TMPRSS2: variants seen among roughly 807,000 people sequenced by gnomAD.
TMPRSS2 encodes transmembrane serine protease 2.
A neutral mutation model predicts 67.4 loss-of-function variants in TMPRSS2; 59 were observed. The ratio of observed to expected loss-of-function variants is 0.88; its 90% CI spans 0.71 to 1.09. The LOEUF (loss-of-function observed/expected upper bound fraction) is 1.09. Ranked by LOEUF, TMPRSS2 falls within the 50% of genes least tolerant of loss-of-function variation. The pLI, the probability that TMPRSS2 is intolerant of heterozygous loss-of-function variation, is 0.00. For missense variants in TMPRSS2, 668 were observed against 642.7 expected (o/e 1.04, Z -0.43); for synonymous variants, 257 against 257.0 (o/e 1.00, Z 0.00).
intron 1 of TMPRSS2, chr21:41,507,803 C>T: frequency 1.1e-6 from 1 of 925,914 alleles, no homozygotes; most frequent in South Asian, 2.1e-5. Flanking sequence ...GCAGGACCAC[C>T]TGCCCCAACC....
chr21:41,488,168 A>G (rs1451954420), intron 5 of TMPRSS2: 1 of 443,842 alleles, frequency 2.3e-6, no homozygotes, highest in Non-Finnish European at 4.1e-6. Context: ...TGTGGTTCCA[A>G]TGACACAGTC....
At chr21:41,469,529 C>T (rs1442381996) in intron 11 of TMPRSS2, among the ~76,000 whole-genome samples, 1 of 152,162 alleles carries the variant, frequency 6.6e-6, no homozygotes, top group Non-Finnish European at 1.5e-5. Context: ...ACCTCCTTGG[C>T]CCCTTGACCA....
chr21:41,508,083 G>C lies in TMPRSS2; in HGVS notation c.-59C>G. 1 of 1,266,644 alleles carries C rather than the reference G, an allele frequency of 7.9e-7. No individual in the cohort carries two copies. The highest frequency in any genetic ancestry group is 3.2e-5 in the East Asian group (1 of 31,482). 78.5% of individuals were successfully genotyped at this position (1,266,644 alleles called of 1,614,324 possible). On this transcript the variant is annotated splice_region_variant and 5_prime_UTR_variant, in exon 1 of 14. Transcript: ENST00000332149. ...ACCCTGGTACCGGCGCCGCTCACCT[G>C]CCGCGCTCCAGGCGGCGCTCCCCGC...
intron 13 of TMPRSS2, among the ~76,000 whole-genome samples, chr21:41,467,158 G>A (rs901753924): frequency 1.8e-4 from 28 of 152,310 alleles, no homozygotes; most frequent in Middle Eastern, 3.4e-3. Context: ...GGAGGCTGAG[G>A]TGGGTGAATC....
Position 41,488,494 on chromosome 21 carries a change from G to C in TMPRSS2, c.345C>G (p.Asn115Lys). 6.2e-7 allele frequency: 1 copy of C among 1,613,360 alleles called. No homozygotes were observed. Among genetic ancestry groups the C allele is most frequent in the Non-Finnish European group, 8.5e-7 (1 of 1,179,484 alleles). The change falls in exon 5 of 14, where the codon AAC becomes AAG. Residue 115 changes from asparagine to lysine, a missense_variant. Coordinates refer to ENST00000332149, the MANE Select transcript of TMPRSS2 (RefSeq NM_005656.4). ...LWKFMGSKCS[N>K]SGIECDSSGT... ...CTGAGGAGTCGCACTCTATCCCAGA[G>C]TTGGAGCACTTGCTGCCCACTTGCA...
At position 41,508,061 on chromosome 21, in the gene TMPRSS2, C is replaced by A; in HGVS notation, c.-57+20G>T. Reference sequence around the variant, plus strand: ...CCAGCCCGGACCCCGAGCCGGGACCCTGGTACCGGCGCCGCTCACCTGCCG... The same window carrying A: ...CCAGCCCGGACCCCGAGCCGGGACCATGGTACCGGCGCCGCTCACCTGCCG... On this transcript the variant is annotated intron_variant, in intron 1 of 13. Coordinates refer to ENST00000332149, the MANE Select transcript of TMPRSS2 (RefSeq NM_005656.4). The A allele has an allele frequency of 7.8e-7, 1 of 1,282,564 alleles. No homozygotes were observed. The highest frequency in any genetic ancestry group is 9.9e-7 in the Non-Finnish European group (1 of 1,011,928). The allele number at this position is 1,282,564 out of a possible 1,614,324, so 79.4% of individuals were successfully genotyped here.
chr21:41,485,707 A>G (rs1037572953), intron 5 of TMPRSS2, among the ~76,000 whole-genome samples: 9 of 152,114 alleles, frequency 5.9e-5, no homozygotes, highest in African/African-American at 2.2e-4. Context: ...TGCTATCTTA[A>G]CCTCACGCTA....
chr21:41,493,054 C>T (rs970684891), intron 3 of TMPRSS2, among the ~76,000 whole-genome samples: 1 of 152,162 alleles, frequency 6.6e-6, no homozygotes, highest in African/African-American at 2.4e-5. Context: ...TGAGCAGCAT[C>T]CCCGGTGCCT....
chr21:41,473,542 C>A (rs1426878573), intron 8 of TMPRSS2, 46 bp from the exon 9 acceptor site: 4 of 1,559,912 alleles, frequency 2.6e-6, no homozygotes, highest in South Asian at 2.3e-5. Context: ...CCAGCAGAAG[C>A]CGCCCAGCCA....
At chr21:41,482,276 A>G (rs2276205) in intron 5 of TMPRSS2, among the ~76,000 whole-genome samples, 15,443 of 152,064 alleles carry the variant, frequency 0.1, 933 homozygotes, top group East Asian at 0.2. Context: ...GGTAACCACC[A>G]TCCAGAGTTT....
chr21:41,484,847 C>T (rs2091283678), intron 5 of TMPRSS2, among the ~76,000 whole-genome samples: 1 of 152,026 alleles, frequency 6.6e-6, no homozygotes, highest in Non-Finnish European at 1.5e-5. Context: ...AAAGGACCAA[C>T]TGTGCCATGG....
In TMPRSS2 at chr21:41,471,932, G is replaced by A; in HGVS notation, c.949C>T (p.Gln317Ter). 1 of 1,613,156 alleles carries A rather than the reference G, an allele frequency of 6.2e-7. No individual in the cohort carries two copies. Among genetic ancestry groups the A allele is most frequent in the Non-Finnish European group, 8.5e-7 (1 of 1,179,716 alleles). Residue 317 changes from glutamine to a stop codon, truncating the protein, a stop_gained, in exon 10 of 14, where the codon CAA (glutamine) becomes TAA (stop). Coordinates refer to ENST00000332149, the MANE Select transcript of TMPRSS2 (RefSeq NM_005656.4). LOFTEE classifies it high-confidence loss of function. Reference sequence around the variant, plus strand: ...CCGGCTCCATAGAACATGAAAGATTGTCTCAAAATCCCCGCAAATGCCGTC... The same window carrying A: ...CCGGCTCCATAGAACATGAAAGATTATCTCAAAATCCCCGCAAATGCCGTC... Reference protein sequence around the residue: ...HWTAFAGILRQSFMFYGAGYQ... With the variant: ...HWTAFAGILR
chr21:41,464,412 C>A lies in TMPRSS2; in HGVS notation c.*1730G>T. ...TCTCCAACAGGACAGGCTGCAGGAA[C>A]TGAGGGCACCAACCACAGGAGCACC... is the stretch of plus-strand genomic sequence containing the variant. On this transcript the variant is annotated 3_prime_UTR_variant, in exon 14 of 14. Transcript: ENST00000332149. 5.4e-6 allele frequency: 1 copy of A among 186,468 alleles called. No homozygotes were observed. The highest frequency in any genetic ancestry group is 1.1e-5 in the Non-Finnish European group (1 of 88,116). The allele number at this position is 186,468 out of a possible 1,614,324, so 11.6% of individuals were successfully genotyped here.
intron 3 of TMPRSS2, among the ~76,000 whole-genome samples, chr21:41,492,688 T>C (rs1417009627): frequency 6.6e-6 from 1 of 152,234 alleles, no homozygotes; most frequent in African/African-American, 2.4e-5. Context: ...ATTCTTCCCT[T>C]ATAAAAGCAA....
intron 3 of TMPRSS2, among the ~76,000 whole-genome samples, chr21:41,493,321 G>A (rs1273278296): frequency 6.6e-6 from 1 of 152,186 alleles, no homozygotes; most frequent in African/African-American, 2.4e-5. Flanking sequence ...GACAGGAGGT[G>A]GCTGGAGAGG....
rs752930954 is a variant in TMPRSS2, at chr21:41,488,394, C to A, written c.445G>T (p.Val149Phe). ...CTTCCCAAGGTCAAGGCTGACTCAC[C>A]ACACCGATTCTCGTCCTCCCCGCCG... ...CPGGEDENRC[V>F]RLYGPNFILQ... The change falls in exon 5 of 14, where the codon GTT (valine) becomes TTT (phenylalanine). Residue 149 changes from valine (V) to phenylalanine (F), a missense_variant and splice_region_variant. Val to Phe is a conservative substitution (Grantham distance 50, BLOSUM62 -1). Transcript: ENST00000332149. 1 of 1,611,908 alleles carries A rather than the reference C, an allele frequency of 6.2e-7. No homozygotes were observed.
chr21:41,472,025 G>A (rs2146428206), intron 9 of TMPRSS2, 44 bp from the exon 10 acceptor site: 1 of 1,513,814 alleles, frequency 6.6e-7, no homozygotes, highest in Non-Finnish European at 8.9e-7. Flanking sequence ...CATAAACACA[G>A]AGCTCTCAGT....
chr21:41,472,090 T>G (rs2091138547), intron 9 of TMPRSS2, 109 bp from the exon 10 acceptor site: 1 of 1,150,828 alleles, frequency 8.7e-7, no homozygotes, highest in Non-Finnish European at 1.2e-6. Context: ...GCAGGATGGT[T>G]CACCAAAAAC....
intron 7 of TMPRSS2, among the ~76,000 whole-genome samples, chr21:41,477,863 GA>G (rs1260648271): frequency 6.6e-6 from 1 of 151,962 alleles, no homozygotes; most frequent in African/African-American, 2.4e-5. Flanking sequence ...ACAGAAAGAG[GA>G]AAAGAAGTGC....
Sources: gnomAD v4.1 joint callset for allele counts (sites outside exome capture counted in the v4.1 genomes callset) on GRCh38, gnomAD v4.1.1 for gene constraint, MANE v1.5 for transcripts, NCBI Gene and HGNC (gene_info 2026-07-23, HGNC 2026-07-21) for gene names.